TNKS1BP1: variants seen among roughly 807,000 people sequenced by gnomAD.
TNKS1BP1 encodes 182 kDa tankyrase-1-binding protein.
TNKS1BP1 carries 48 observed loss-of-function variants against 141.1 expected under a neutral mutation model. The observed-to-expected ratio is 0.34, with a 90% CI of 0.27 to 0.43. The LOEUF is 0.43. Among genes scored for constraint, TNKS1BP1 ranks in the 20% least tolerant of loss-of-function variants. The pLI, the probability that TNKS1BP1 is intolerant of heterozygous loss-of-function variation, is 1.00. For synonymous variants in TNKS1BP1, 875 were observed against 898.2 expected (o/e 0.97, Z 0.46); for missense variants, 2,149 against 2,226.0 (o/e 0.97, Z 0.70).
At chr11:57,311,888 C>T (rs1312473634) in intron 5 of TNKS1BP1, among the ~76,000 whole-genome samples, 2 of 152,224 alleles carry the variant, frequency 1.3e-5, no homozygotes, top group African/African-American at 4.8e-5. Flanking sequence ...ATGTTAATAA[C>T]GTTTGTAAAA....
At chr11:57,319,973 A>T in intron 3 of TNKS1BP1, 106 bp downstream of exon 3, 1 of 1,481,370 alleles carries the variant, frequency 6.8e-7, no homozygotes, top group African/African-American at 1.4e-5. Context: ...TACAGGTAAA[A>T]GTCACAACCC....
chr11:57,305,021 G>A lies in TNKS1BP1; in HGVS notation c.4317-2196C>T, dbSNP rs1007852994. The stretch of plus-strand genomic sequence containing the variant: ...AAGAAAGTGCAGCTACGTCCACCCC[G>A]CCGGACTAAACCCCACTCGCCCTTC... On this transcript the variant is annotated intron_variant, in intron 6 of 11. Coordinates refer to ENST00000358252, the MANE Select transcript of TNKS1BP1 (RefSeq NM_033396.3). Among the ~76,000 whole-genome samples, 7 of 152,122 alleles carry A rather than the reference G, an allele frequency of 4.6e-5. No homozygotes were observed. In the East Asian group the frequency reaches 7.7e-4, roughly 17 times the overall value.
chr11:57,306,398 T>C (rs1469410824), intron 6 of TNKS1BP1, among the ~76,000 whole-genome samples: 1 of 152,226 alleles, frequency 6.6e-6, no homozygotes, highest in East Asian at 1.9e-4. Flanking sequence ...AATACTGCAT[T>C]ACTTGTCTTT....
At chr11:57,300,468 C>T (rs1855508449) in intron 11 of TNKS1BP1, 60 bp downstream of exon 11, 1 of 1,552,636 alleles carries the variant, frequency 6.4e-7, no homozygotes, top group Admixed American at 1.7e-5. Flanking sequence ...CATGAGGCCT[C>T]CGAAGCCTCC....
chr11:57,302,116 C>G lies in TNKS1BP1; in HGVS notation c.4792G>C (p.Glu1598Gln). Residue 1598 changes from glutamate to glutamine, a missense_variant, in exon 8 of 12, where the codon GAG becomes CAG. By Grantham distance (29) the Glu-to-Gln change is conservative (BLOSUM62 2). Coordinates refer to ENST00000358252, the MANE Select transcript of TNKS1BP1 (RefSeq NM_033396.3). This position sits in a 1 kb window ranked among gnomAD's most constrained non-coding sequence, Gnocchi z 5.5. ...IRPGGTLGLS[E>Q]AADSDAHLFQ... ...AGGTGTGCATCCGAGTCTGCTGCCT[C>G]CGACAGGCCCAAGGTACCCCCAGGC... 1 of 1,613,982 alleles carries G rather than the reference C, an allele frequency of 6.2e-7. No individual in the cohort carries two copies. The highest frequency in any genetic ancestry group is 8.5e-7 in the Non-Finnish European group (1 of 1,179,974).
At chr11:57,306,906 G>T (rs1224578995) in intron 6 of TNKS1BP1, among the ~76,000 whole-genome samples, 17 of 150,728 alleles carry the variant, frequency 1.1e-4, no homozygotes, top group Non-Finnish European at 1.8e-4. Flanking sequence ...GTGGTGGTGG[G>T]GGGGGGGGTT....
intron 2 of TNKS1BP1, among the ~76,000 whole-genome samples, chr11:57,321,318 G>GA (rs963283552): frequency 5.2e-4 from 76 of 145,184 alleles, no homozygotes; most frequent in East Asian, 9.8e-4. Context: ...GCTATGGGAA[G>GA]AAAAAAAAAA....
chr11:57,306,752 A>G (rs913617036), intron 6 of TNKS1BP1, among the ~76,000 whole-genome samples: 1 of 152,128 alleles, frequency 6.6e-6, no homozygotes, highest in African/African-American at 2.4e-5. Flanking sequence ...TTAAAGACAC[A>G]ATGATGACAC....
At chr11:57,314,036 G>T in intron 4 of TNKS1BP1, 147 bp from the exon 5 acceptor site, 1 of 971,322 alleles carries the variant, frequency 1.0e-6, no homozygotes, top group Non-Finnish European at 1.4e-6. Context: ...TGGGATAGCT[G>T]GGAGGGGCCC....
At chr11:57,322,341 G>T in intron 1 of TNKS1BP1, 1 of 986,726 alleles carries the variant, frequency 1.0e-6, no homozygotes, top group South Asian at 4.7e-5. Flanking sequence ...ATCACCTCAC[G>T]GGAGACGGGA....
At position 57,302,891 on chromosome 11, in the gene TNKS1BP1, T is replaced by C. The variant is rs1855550288; in HGVS notation, c.4317-66A>G. On this transcript the variant is annotated intron_variant, in intron 6 of 11. Transcript: ENST00000358252. This position sits in a 1 kb window ranked among gnomAD's most constrained non-coding sequence, Gnocchi z 5.5. The stretch of plus-strand genomic sequence containing the variant: ...CCCATCTCCCTGCCCTGAAGCCTAC[T>C]TCACAAGCTCCTTCCCCCAGCCCCC... The C allele has an allele frequency of 6.3e-6, 9 of 1,432,810 alleles. No homozygotes were observed. In the South Asian group the frequency reaches 1.4e-4, roughly 22 times the overall value. The allele number at this position is 1,432,810 out of a possible 1,614,324, so 88.8% of individuals were successfully genotyped here. A position where few individuals can be genotyped will look rare whatever the true frequency, so the allele number is the denominator to read the frequency against.
Position 57,308,938 on chromosome 11 carries a change from G to A in TNKS1BP1, c.3773C>T (p.Thr1258Ile), listed in dbSNP as rs1374269457. Residue 1258 changes from threonine to isoleucine, a missense_variant, in exon 6 of 12, where the codon ACT (threonine) becomes ATT (isoleucine). Physicochemically the swap from Thr to Ile is moderately conservative, Grantham distance 89 (BLOSUM62 -1). Transcript: ENST00000358252. ...SQARESGVGQ[T>I]DWSGVEAGEF... Reference sequence around the variant, plus strand: ...TCCGGCCTCCACACCTGACCAGTCAGTCTGCCCCACGCCACTCTCTCTGGC... The same window carrying A: ...TCCGGCCTCCACACCTGACCAGTCAATCTGCCCCACGCCACTCTCTCTGGC... The A allele has an allele frequency of 6.2e-7, 1 of 1,613,898 alleles. No homozygotes were observed. Among genetic ancestry groups the A allele is most frequent in the Non-Finnish European group, 8.5e-7 (1 of 1,180,030 alleles).
In TNKS1BP1 at chr11:57,302,227, G is replaced by A. The variant is rs1855535806; in HGVS notation, c.4684-3C>T. The A allele has an allele frequency of 1.2e-6, 2 of 1,608,370 alleles. No individual in the cohort carries two copies. Among genetic ancestry groups the A allele is most frequent in the Admixed American group, 1.7e-5 (1 of 59,866 alleles). Reference sequence around the variant, plus strand: ...GCACTGTCGAGGATCTCGGTGTCCTGCTTGGGGCAATGGTGACACCACTGC... The same window carrying A: ...GCACTGTCGAGGATCTCGGTGTCCTACTTGGGGCAATGGTGACACCACTGC... On this transcript the variant is annotated splice_region_variant and splice_polypyrimidine_tract_variant and intron_variant, in intron 7 of 11. Coordinates refer to ENST00000358252, the MANE Select transcript of TNKS1BP1 (RefSeq NM_033396.3). This position sits in a 1 kb window ranked among gnomAD's most constrained non-coding sequence, Gnocchi z 5.5.
chr11:57,304,247 G>A (rs1448368626), intron 6 of TNKS1BP1, among the ~76,000 whole-genome samples: 4 of 152,118 alleles, frequency 2.6e-5, no homozygotes, highest in African/African-American at 9.7e-5. Context: ...AGTGGGGCAG[G>A]TGAGTCAATA....
In TNKS1BP1 at chr11:57,308,870, A is replaced by G; in HGVS notation, c.3841T>C (p.Trp1281Arg). The change falls in exon 6 of 12, where the codon TGG (tryptophan) becomes CGG (arginine). Residue 1281 changes from tryptophan to arginine, a missense_variant. Transcript: ENST00000358252. Reference sequence around the variant, plus strand: ...TTTCTCAGCCCAAGGTCAGGTGTCCAGTCTGCCTGTCCAACTCCACGCTCC... The same window carrying G: ...TTTCTCAGCCCAAGGTCAGGTGTCCGGTCTGCCTGTCCAACTCCACGCTCC... ...SRERGVGQAD[W>R]TPDLGLRNMA... 6.2e-7 allele frequency: 1 copy of G among 1,614,016 alleles called. No individual in the cohort carries two copies. The highest frequency in any genetic ancestry group is 1.1e-5 in the South Asian group (1 of 91,080).
chr11:57,302,856 A>G lies in TNKS1BP1; in HGVS notation c.4317-31T>C, dbSNP rs1209762939. 5.4e-6 allele frequency: 8 copies of G among 1,487,928 alleles called. No individual in the cohort carries two copies. The South Asian group carries it at 6.7e-5, about 13-fold the overall frequency. 92.2% of individuals were successfully genotyped at this position (1,487,928 alleles called of 1,614,324 possible). A position where few individuals can be genotyped will look rare whatever the true frequency, so the allele number is the denominator to read the frequency against. On this transcript the variant is annotated intron_variant, in intron 6 of 11. Transcript: ENST00000358252. This position sits in a 1 kb window ranked among gnomAD's most constrained non-coding sequence, Gnocchi z 5.5. ...AAGGGGACAGAGAGAGAACGAGATC[A>G]TCGTAAGGCCCCATCTCCCTGCCCT...
rs1450405425 is a variant in TNKS1BP1 at position 57,313,889 on chromosome 11, T to C, written c.799A>G (p.Ile267Val). Residue 267 changes from isoleucine to valine, a missense_variant and splice_region_variant, in exon 5 of 12, where the codon ATT becomes GTT. Coordinates refer to ENST00000358252, the MANE Select transcript of TNKS1BP1 (RefSeq NM_033396.3). ...KAASSELPAD[I>V]SKPWIPSSPA... ...CTTGAGGGAATCCAGGGCTTGGAAATCTGCAAGAGAAAGAAAGGTCAAGAT... is the reference window on the plus strand; with the variant it reads ...CTTGAGGGAATCCAGGGCTTGGAAACCTGCAAGAGAAAGAAAGGTCAAGAT... 1 of 1,493,620 alleles carries C rather than the reference T, an allele frequency of 6.7e-7. No homozygotes were observed. Among genetic ancestry groups the C allele is most frequent in the Non-Finnish European group, 8.9e-7 (1 of 1,124,526 alleles). The allele number at this position is 1,493,620 out of a possible 1,614,324, so 92.5% of individuals were successfully genotyped here.
Position 57,302,660 on chromosome 11 carries a change from C to G in TNKS1BP1, c.4482G>C (p.Glu1494Asp), listed in dbSNP as rs761629633. The G allele has an allele frequency of 6.2e-7, 1 of 1,609,632 alleles. No homozygotes were observed. The highest frequency in any genetic ancestry group is 1.3e-5 in the African/African-American group (1 of 74,894). Residue 1494 changes from glutamate to aspartate, a missense_variant, in exon 7 of 12, where the codon GAG becomes GAC. Physicochemically the swap from Glu to Asp is conservative, Grantham distance 45 (BLOSUM62 2). Transcript: ENST00000358252. This position sits in a 1 kb window ranked among gnomAD's most constrained non-coding sequence, Gnocchi z 5.5. ...EEGAGAGAAQEEVLEPGRDSP... is the reference protein window; with the variant it reads ...EEGAGAGAAQDEVLEPGRDSP... ...AGTCCCTGCCAGGCTCCAGCACCTC[C>G]TCTTGGGCAGCACCTGCCCCGGCTC...
In TNKS1BP1 at chr11:57,320,684, C is replaced by A. The variant is rs779463916; in HGVS notation, c.123G>T (p.Lys41Asn). 2.5e-6 allele frequency: 4 copies of A among 1,604,438 alleles called. No individual in the cohort carries two copies. Among genetic ancestry groups the A allele is most frequent in the East Asian group, 4.5e-5 (2 of 44,694 alleles). Reference protein sequence around the residue: ...PGDTRAKPPVKPKPRALPAKP... With the variant: ...PGDTRAKPPVNPKPRALPAKP... ...TGGCAGGCAGGGCCCGGGGTTTGGG[C>A]TTGACAGGGGGTTTGGCCCGAGTGT... Residue 41 changes from lysine (K) to asparagine (N), a missense_variant, in exon 3 of 12, where the codon AAG (lysine) becomes AAT (asparagine). Coordinates refer to ENST00000358252, the MANE Select transcript of TNKS1BP1 (RefSeq NM_033396.3).
Sources: allele counts gnomAD v4.1 joint callset (sites outside exome capture counted in the v4.1 genomes callset), GRCh38; gene constraint gnomAD v4.1.1; non-coding constraint Gnocchi (gnomAD v3.1); transcripts MANE v1.5; gene names NCBI Gene and HGNC (gene_info 2026-07-23, HGNC 2026-07-21).